The following GSE1 variants were observed in gnomAD, a reference collection of about 807,000 sequenced individuals.
GSE1 encodes Gse1 coiled-coil protein.
Under a neutral mutation model 112.6 loss-of-function variants are expected in GSE1, and 32 were observed. The observed-to-expected ratio is 0.28, with a 90% CI of 0.21 to 0.38. GSE1 has a LOEUF of 0.38. GSE1 is among the 10% of genes least tolerant of loss of function. The pLI is 1.00. For missense variants in GSE1, 2,348 were observed against 1,699.2 expected, an observed-to-expected ratio of 1.38 and a Z score of -6.71; for synonymous variants, 1,115 against 735.6, an observed-to-expected ratio of 1.52 and a Z score of -8.35.
intron 2 of GSE1, among the ~76,000 whole-genome samples, chr16:85,634,629 C>G (rs1388175820): frequency 6.6e-6 from 1 of 152,112 alleles, no homozygotes; most frequent in Non-Finnish European, 1.5e-5. Context: ...GCTCAACTCC[C>G]TGAGGCAGAG....
chr16:85,221,179 G>A (rs535410930), intron 1 of GSE1, among the ~76,000 whole-genome samples: 7 of 152,142 alleles, frequency 4.6e-5, no homozygotes, highest in Admixed American at 2.0e-4. Context: ...ATGGTCACAG[G>A]GTCGGCATCT....
At chr16:85,664,802 G>C (rs1041660345) in intron 11 of GSE1, 4 of 561,528 alleles carry the variant, frequency 7.1e-6, no homozygotes, top group Non-Finnish European at 1.3e-5. Context: ...TTTGGAGCAC[G>C]TCTAGGACAT....
intron 1 of GSE1, among the ~76,000 whole-genome samples, chr16:85,272,902 G>A (rs543998377): frequency 3.3e-5 from 5 of 151,536 alleles, no homozygotes; most frequent in East Asian, 1.9e-4. Context: ...ACAGCCTCCC[G>A]AGTAGCTGGG....
chr16:85,274,097 A>G (rs2144204452), intron 1 of GSE1, among the ~76,000 whole-genome samples: 1 of 151,034 alleles, frequency 6.6e-6, no homozygotes, highest in Non-Finnish European at 1.5e-5. Context: ...GAAAATGGGC[A>G]ATTGTAGGCT....
chr16:85,437,167 C>G (rs941775792), intron 2 of GSE1, among the ~76,000 whole-genome samples: 1 of 152,124 alleles, frequency 6.6e-6, no homozygotes, highest in African/African-American at 2.4e-5. Context: ...TCCCCCAACC[C>G]TCTGAGGCCA....
At chr16:85,613,315 G>C (rs2048121117), upstream of GSE1, 1 of 1,549,538 alleles carries the variant, frequency 6.5e-7, no homozygotes, top group African/African-American at 1.4e-5. Flanking sequence ...CCCCGGGTGA[G>C]ATAAGCAGTT....
chr16:85,660,794 C>T (rs1186849835), intron 8 of GSE1, among the ~76,000 whole-genome samples: 1 of 152,000 alleles, frequency 6.6e-6, no homozygotes, highest in Non-Finnish European at 1.5e-5. Flanking sequence ...CCATGCCTGG[C>T]TAATTTTTGT....
intron 2 of GSE1, among the ~76,000 whole-genome samples, chr16:85,638,096 C>G (rs1022655472): frequency 6.6e-6 from 1 of 152,206 alleles, no homozygotes; most frequent in Non-Finnish European, 1.5e-5. Flanking sequence ...CCTGACCCTC[C>G]TCTCCAGTGC....
chr16:85,632,965 A>G (rs1218448156), intron 1 of GSE1, among the ~76,000 whole-genome samples: 1 of 152,086 alleles, frequency 6.6e-6, no homozygotes, highest in Non-Finnish European at 1.5e-5. Flanking sequence ...TCCTTTCCCC[A>G]GTGGTTCTGA....
At chr16:85,413,196 G>T (rs1018483071) in intron 2 of GSE1, among the ~76,000 whole-genome samples, 1 of 152,206 alleles carries the variant, frequency 6.6e-6, no homozygotes, top group Admixed American at 6.5e-5. Flanking sequence ...TCCGGGCAGC[G>T]GCCGCTGTGA....
intron 1 of GSE1, among the ~76,000 whole-genome samples, chr16:85,304,527 G>T (rs1324095078): frequency 6.7e-6 from 1 of 148,194 alleles, no homozygotes; most frequent in Non-Finnish European, 1.5e-5. Flanking sequence ...CACCCAACGT[G>T]TAGCTTCAGA....
chr16:85,641,364 G>C (rs1167665886), intron 2 of GSE1, among the ~76,000 whole-genome samples: 1 of 152,190 alleles, frequency 6.6e-6, no homozygotes, highest in Admixed American at 6.5e-5. Context: ...TGTCAGTTTG[G>C]GTTTGATGAC....
At chr16:85,535,173 G>A (rs995597265) in intron 2 of GSE1, among the ~76,000 whole-genome samples, 5 of 152,248 alleles carry the variant, frequency 3.3e-5, no homozygotes, top group African/African-American at 1.2e-4. Context: ...ACCAGCCTGG[G>A]GGAGGCATGA....
chr16:85,648,957 C>T (rs978367232), intron 3 of GSE1, among the ~76,000 whole-genome samples: 4 of 152,100 alleles, frequency 2.6e-5, no homozygotes, highest in East Asian at 3.9e-4. Context: ...CATCGGCCCA[C>T]GCATCAGTCT....
chr16:85,647,488 A>AGGGTCACCGT (rs1293899560), intron 2 of GSE1, among the ~76,000 whole-genome samples: 2 of 152,198 alleles, frequency 1.3e-5, no homozygotes, highest in Non-Finnish European at 2.9e-5. Flanking sequence ...AAACTCCCCC[A>AGGGTCACCGT]GGGTCACCGT....
In GSE1 at chr16:85,478,656, A is replaced by T. The variant is rs114267376; in HGVS notation, c.2464+121013A>T. ...ATGCTGGCATGAACGTTCTTGCATA[A>T]GGTTTTTCTTCTTTTTTTCTCCTTT... On this transcript the variant is annotated intron_variant, in intron 2 of 2. Transcript: ENST00000637419. Among the ~76,000 whole-genome samples the T allele has an allele frequency of 4.1e-3, 625 of 151,706 alleles. 5 individuals carry two copies. The highest frequency in any genetic ancestry group is 0.015 in the African/African-American group (601 of 41,390).
chr16:85,404,845 T>C (rs56148565), intron 2 of GSE1, among the ~76,000 whole-genome samples: 5 of 26,170 alleles, frequency 1.9e-4, no homozygotes, highest in African/African-American at 5.2e-4. Context: ...TAATCCTCAC[T>C]GTTACTCTCA....
intron 1 of GSE1, among the ~76,000 whole-genome samples, chr16:85,302,180 AAAAG>A (rs1369378268): frequency 6.6e-6 from 1 of 152,044 alleles, no homozygotes; most frequent in Non-Finnish European, 1.5e-5. Context: ...TCGAGGAAAT[AAAAG>A]AGAGAGAGAG....
chr16:85,438,505 G>T (rs1315618085), intron 2 of GSE1, among the ~76,000 whole-genome samples: 1 of 152,158 alleles, frequency 6.6e-6, no homozygotes, highest in East Asian at 1.9e-4. Flanking sequence ...CTTAATCCTC[G>T]GGACAATCTA....
Sources: gnomAD v4.1 joint callset for allele counts (sites outside exome capture counted in the v4.1 genomes callset) on GRCh38, gnomAD v4.1.1 for gene constraint, MANE v1.5 for transcripts, NCBI Gene and HGNC (gene_info 2026-07-23, HGNC 2026-07-21) for gene names.